Variants in KAT2A observed in about 807,000 individuals in gnomAD.
KAT2A encodes the protein lysine acetyltransferase 2A, also known as histone acetyltransferase KAT2A.
Under a neutral mutation model 95.2 loss-of-function variants are expected in KAT2A, and 42 were observed. The observed-to-expected ratio is 0.44, with a 90% CI of 0.34 to 0.57. KAT2A has a LOEUF of 0.57. Ranked by LOEUF, KAT2A falls within the 20% of genes least tolerant of loss-of-function variation. KAT2A has a pLI of 0.01. For missense variants in KAT2A, 784 were observed against 1,126.3 expected, an observed-to-expected ratio of 0.70 and a Z score of 4.35; for synonymous variants, 449 against 448.2, an observed-to-expected ratio of 1.00 and a Z score of -0.02.
At position 42,118,177 on chromosome 17, in the gene KAT2A, C is replaced by A. The variant is rs1031011345; in HGVS notation, c.1180+120G>T. ...AAGGCAGGGACTGGGGGGGCTGAAG[C>A]CGGTGGCAGGTCCCTCAGTGGGATC... is the stretch of plus-strand genomic sequence containing the variant. On this transcript the variant is annotated intron_variant, in intron 7 of 17. Coordinates refer to ENST00000225916, the MANE Select transcript of KAT2A (RefSeq NM_021078.3). 1.4e-5 allele frequency: 12 copies of A among 857,792 alleles called. No individual in the cohort carries two copies. In the African/African-American group the frequency reaches 1.7e-4, roughly 12 times the overall value. 53.1% of individuals were successfully genotyped at this position (857,792 alleles called of 1,614,324 possible).
Position 42,113,395 on chromosome 17 carries a change from C to A in KAT2A, c.*254G>T. 1 of 394,176 alleles carries A rather than the reference C, an allele frequency of 2.5e-6. No individual in the cohort carries two copies. Among genetic ancestry groups the A allele is most frequent in the Non-Finnish European group, 4.5e-6 (1 of 220,144 alleles). 24.4% of individuals were successfully genotyped at this position (394,176 alleles called of 1,614,324 possible). On this transcript the variant is annotated 3_prime_UTR_variant, in exon 18 of 18. Coordinates refer to ENST00000225916, the MANE Select transcript of KAT2A (RefSeq NM_021078.3). ...GCCACCACGGCTGGGCAAGGTTCAT[C>A]CCTGGCCACCAGCTACTCTAGAGGG...
chr17:42,118,228 T>A, intron 7 of KAT2A, 69 bp downstream of exon 7: 1 of 1,257,808 alleles, frequency 8.0e-7, no homozygotes, highest in Non-Finnish European at 1.2e-6. Flanking sequence ...AGGTGAGCTC[T>A]CTTCCACCCA....
At position 42,114,665 on chromosome 17, in the gene KAT2A, C is replaced by G; in HGVS notation, c.2020-61G>C. 1 of 1,473,030 alleles carries G rather than the reference C, an allele frequency of 6.8e-7. No homozygotes were observed. The highest frequency in any genetic ancestry group is 1.7e-5 in the Admixed American group (1 of 58,530). The allele number at this position is 1,473,030 out of a possible 1,614,324, so 91.2% of individuals were successfully genotyped here. On this transcript the variant is annotated intron_variant, in intron 13 of 17. Transcript: ENST00000225916. This position sits in a 1 kb window ranked among gnomAD's most constrained non-coding sequence, Gnocchi z 6.0. ...CCCCAACAACAACCCCTCCCAGGGCCACAGTCGGAGCCACTGGCTGCACCC... is the reference window on the plus strand; with the variant it reads ...CCCCAACAACAACCCCTCCCAGGGCGACAGTCGGAGCCACTGGCTGCACCC...
At chr17:42,120,500 G>A (rs1181422845) in intron 2 of KAT2A, 130 bp from the exon 3 acceptor site, 22 of 1,237,342 alleles carry the variant, frequency 1.8e-5, no homozygotes, top group South Asian at 1.3e-4. Context: ...GAGACTGACT[G>A]CTCCGATATC....
Position 42,119,966 on chromosome 17 carries a change from G to T in KAT2A, c.699+64C>A. 1 of 1,380,040 alleles carries T rather than the reference G, an allele frequency of 7.2e-7. No homozygotes were observed. Among genetic ancestry groups the T allele is most frequent in the Non-Finnish European group, 1.0e-6 (1 of 969,416 alleles). The allele number at this position is 1,380,040 out of a possible 1,614,324, so 85.5% of individuals were successfully genotyped here. On this transcript the variant is annotated intron_variant, in intron 4 of 17. Transcript: ENST00000225916. This position sits in a 1 kb window ranked among gnomAD's most constrained non-coding sequence, Gnocchi z 5.3. ...AGCTTGAGGAGAATGGAGAACACAG[G>T]CTCCCCACTCCTCCAAGCTGTCCCC...
Position 42,113,378 on chromosome 17 carries a change from G to A in KAT2A, c.*271C>T, listed in dbSNP as rs987007207. 12 of 342,054 alleles carry A rather than the reference G, an allele frequency of 3.5e-5. No homozygotes were observed. The highest frequency in any genetic ancestry group is 7.6e-4 in the Middle Eastern group (1 of 1,308). The allele number at this position is 342,054 out of a possible 1,614,324, so 21.2% of individuals were successfully genotyped here. On this transcript the variant is annotated 3_prime_UTR_variant, in exon 18 of 18. Transcript: ENST00000225916. ...GGGGACCAGGCCTGGGGGCCACCAC[G>A]GCTGGGCAAGGTTCATCCCTGGCCA...
At position 42,114,626 on chromosome 17, in the gene KAT2A, G is replaced by A; in HGVS notation, c.2020-22C>T. 1.9e-6 allele frequency: 3 copies of A among 1,596,604 alleles called. No individual in the cohort carries two copies. Among genetic ancestry groups the A allele is most frequent in the Non-Finnish European group, 2.6e-6 (3 of 1,166,808 alleles). ...TGATCTGAGGGAAGGAAGGGACTGA[G>A]GGGCCAACTCCAGCCCCAACAACAA... is the stretch of plus-strand genomic sequence containing the variant. On this transcript the variant is annotated intron_variant, in intron 13 of 17. Transcript: ENST00000225916. This position sits in a 1 kb window ranked among gnomAD's most constrained non-coding sequence, Gnocchi z 6.0.
At position 42,121,315 on chromosome 17, in the gene KAT2A, G is replaced by A; in HGVS notation, c.-11C>T. On this transcript the variant is annotated 5_prime_UTR_variant, in exon 1 of 18. Coordinates refer to ENST00000225916, the MANE Select transcript of KAT2A (RefSeq NM_021078.3). ...GGAAGGTTCCGCCATGGCCTCCCCCGCAGCGGAGAGCGGCGCCGCGCTCCC... is the reference window on the plus strand; with the variant it reads ...GGAAGGTTCCGCCATGGCCTCCCCCACAGCGGAGAGCGGCGCCGCGCTCCC... 1 of 1,365,344 alleles carries A rather than the reference G, an allele frequency of 7.3e-7. No individual in the cohort carries two copies. Among genetic ancestry groups the A allele is most frequent in the Non-Finnish European group, 9.4e-7 (1 of 1,066,786 alleles). The allele number at this position is 1,365,344 out of a possible 1,614,324, so 84.6% of individuals were successfully genotyped here. A position where few individuals can be genotyped will look rare whatever the true frequency, so the allele number is the denominator to read the frequency against.
At chr17:42,116,934 GAGCAACGGGCTGCTGC>G (rs1451114794) in intron 11 of KAT2A, 85 bp downstream of exon 11, 1 of 1,421,958 alleles carries the variant, frequency 7.0e-7, no homozygotes, top group Non-Finnish European at 9.7e-7. Context: ...ACTAAGAGAA[GAGCAACGGGCTGCTGC>G]ATGCCACACA....
chr17:42,116,857 G>A (rs1468745454), intron 11 of KAT2A, among the ~76,000 whole-genome samples, 178 bp downstream of exon 11: 1 of 152,244 alleles, frequency 6.6e-6, no homozygotes, highest in Non-Finnish European at 1.5e-5. Context: ...GTCAACAGGT[G>A]GTTTCCTAAT....
intron 12 of KAT2A, among the ~76,000 whole-genome samples, chr17:42,115,445 C>T (rs1388288748): frequency 3.0e-5 from 4 of 131,758 alleles, no homozygotes; most frequent in African/African-American, 1.1e-4. Context: ...CTCTAGTGCC[C>T]CCCCCAGTTC....
Position 42,119,519 on chromosome 17 carries a change from G to C in KAT2A, c.881+18C>G, listed in dbSNP as rs374477366. On this transcript the variant is annotated intron_variant, in intron 5 of 17. Transcript: ENST00000225916. The surrounding 1 kb of genome is among the most constrained non-coding windows in gnomAD (Gnocchi z 5.3). ...GGGCCTGCAAGCCTCCCCCGAAGCTGCCCCTGGCTGGGCCTACCTGGTGTA... is the reference window on the plus strand; with the variant it reads ...GGGCCTGCAAGCCTCCCCCGAAGCTCCCCCTGGCTGGGCCTACCTGGTGTA... 1.5e-5 allele frequency: 24 copies of C among 1,582,808 alleles called. No homozygotes were observed. The highest frequency in any genetic ancestry group is 1.9e-5 in the Non-Finnish European group (22 of 1,161,262).
rs1319349722 is a variant in KAT2A at position 42,119,096 on chromosome 17, T to C, written c.1073+149A>G. On this transcript the variant is annotated intron_variant, in intron 6 of 17. Coordinates refer to ENST00000225916, the MANE Select transcript of KAT2A (RefSeq NM_021078.3). The surrounding 1 kb of genome is among the most constrained non-coding windows in gnomAD (Gnocchi z 5.3). ...GTACTAGCAAGTTGCTTCTGGGCCA[T>C]GGGCAAGTCTGCCAGGTAGACGCCC... 33 of 1,495,938 alleles carry C rather than the reference T, an allele frequency of 2.2e-5. No individual in the cohort carries two copies. Among genetic ancestry groups the C allele is most frequent in the Non-Finnish European group, 2.8e-5 (32 of 1,124,444 alleles). The allele number at this position is 1,495,938 out of a possible 1,614,324, so 92.7% of individuals were successfully genotyped here. A position where few individuals can be genotyped will look rare whatever the true frequency, so the allele number is the denominator to read the frequency against.
chr17:42,113,849 C>A lies in KAT2A; in HGVS notation c.2321-7G>T. 1 of 1,569,748 alleles carries A rather than the reference C, an allele frequency of 6.4e-7. No individual in the cohort carries two copies. Among genetic ancestry groups the A allele is most frequent in the Non-Finnish European group, 8.6e-7 (1 of 1,160,616 alleles). On this transcript the variant is annotated splice_polypyrimidine_tract_variant and splice_region_variant and intron_variant, in intron 17 of 17. Coordinates refer to ENST00000225916, the MANE Select transcript of KAT2A (RefSeq NM_021078.3). The stretch of plus-strand genomic sequence containing the variant: ...TCAGTCATGGTCTTCAGGTCTGGGG[C>A]AGCAGGAGACGGAGCACAGCTTTAA...
At position 42,113,135 on chromosome 17, in the gene KAT2A, A is replaced by G. The variant is rs2054193240; in HGVS notation, c.*514T>C. The G allele has an allele frequency of 6.5e-6, 1 of 153,118 alleles. No individual in the cohort carries two copies. Among genetic ancestry groups the G allele is most frequent in the Non-Finnish European group, 1.5e-5 (1 of 68,290 alleles). The allele number at this position is 153,118 out of a possible 1,614,324, so 9.5% of individuals were successfully genotyped here. A position where few individuals can be genotyped will look rare whatever the true frequency, so the allele number is the denominator to read the frequency against. On this transcript the variant is annotated 3_prime_UTR_variant, in exon 18 of 18. Coordinates refer to ENST00000225916, the MANE Select transcript of KAT2A (RefSeq NM_021078.3). ...ACACAGAGAAATAAAAAGCTTTATT[A>G]TTCCCTCTAAGGGATTAATGCCAGG...
In KAT2A at chr17:42,120,713, G is replaced by A. The variant is rs782413029; in HGVS notation, c.456C>T (p.His152=). 9 of 1,613,946 alleles carry A rather than the reference G, an allele frequency of 5.6e-6. No homozygotes were observed. Among genetic ancestry groups the A allele is most frequent in the Admixed American group, 1.7e-5 (1 of 60,008 alleles). The stretch of plus-strand genomic sequence containing the variant: ...GGGCGCTGCCTGCCTTACCCAAGGG[G>A]TGCTCACAACTGCGGCACAGCTCAC... ...NLSELCRSCE[H]PLADHVSHLE... Residue 152 remains histidine (H), a synonymous_variant, in exon 2 of 18, where the codon CAC becomes CAT. Coordinates refer to ENST00000225916, the MANE Select transcript of KAT2A (RefSeq NM_021078.3).
At position 42,117,464 on chromosome 17, in the gene KAT2A, C is replaced by T. The variant is rs782195539; in HGVS notation, c.1561G>A (p.Val521Met). The T allele has an allele frequency of 1.9e-6, 3 of 1,602,068 alleles. No individual in the cohort carries two copies. The highest frequency in any genetic ancestry group is 2.6e-6 in the Non-Finnish European group (3 of 1,176,170). The change falls in exon 10 of 18, where the codon GTG (valine) becomes ATG (methionine). Residue 521 changes from valine to methionine, a missense_variant. Transcript: ENST00000225916. The surrounding 1 kb of genome is among the most constrained non-coding windows in gnomAD (Gnocchi z 8.9). ...TGGGAAAAGACATTCTGCAGCCCCA[C>T]GAGCCACAGCAACACCCGCCGGTTG... ...KANRRVLLWL[V>M]GLQNVFSHQL...
chr17:42,121,088 C>A lies in KAT2A; in HGVS notation c.217G>T (p.Gly73Trp), dbSNP rs782398147. Residue 73 changes from glycine (G) to tryptophan (W), a missense_variant, in exon 1 of 18, where the codon GGG becomes TGG. Physicochemically the swap from Gly to Trp is radical, Grantham distance 184 (BLOSUM62 -2). This residue lies in a region of KAT2A where 142 missense variants were observed against 123.2 expected (regional missense o/e 1.15). Transcript: ENST00000225916. ...PGVGSGGAGS[G>W]GDPARPGLSQ... Reference sequence around the variant, plus strand: ...AGGCCAGGTCGAGCCGGATCCCCCCCGCTCCCGGCCCCCCCACTTCCTACC... The same window carrying A: ...AGGCCAGGTCGAGCCGGATCCCCCCAGCTCCCGGCCCCCCCACTTCCTACC... 1.3e-6 allele frequency: 2 copies of A among 1,547,114 alleles called. No individual in the cohort carries two copies. The highest frequency in any genetic ancestry group is 1.7e-6 in the Non-Finnish European group (2 of 1,148,822).
chr17:42,114,613 A>G lies in KAT2A; in HGVS notation c.2020-9T>C. On this transcript the variant is annotated splice_polypyrimidine_tract_variant and intron_variant, in intron 13 of 17. Coordinates refer to ENST00000225916, the MANE Select transcript of KAT2A (RefSeq NM_021078.3). This position sits in a 1 kb window ranked among gnomAD's most constrained non-coding sequence, Gnocchi z 6.0. The stretch of plus-strand genomic sequence containing the variant: ...ATCAGCTTCTTGATGATCTGAGGGA[A>G]GGAAGGGACTGAGGGGCCAACTCCA... 1 of 1,610,888 alleles carries G rather than the reference A, an allele frequency of 6.2e-7. No homozygotes were observed. The highest frequency in any genetic ancestry group is 8.5e-7 in the Non-Finnish European group (1 of 1,178,228).
Sources: allele counts gnomAD v4.1 joint callset (sites outside exome capture counted in the v4.1 genomes callset), GRCh38; gene constraint gnomAD v4.1.1; regional missense constraint gnomAD v4.1.1; non-coding constraint Gnocchi (gnomAD v3.1); transcripts MANE v1.5; gene names NCBI Gene and HGNC (gene_info 2026-07-23, HGNC 2026-07-21).